The following PDE10A variants were observed in gnomAD, a reference collection of about 807,000 sequenced individuals.
PDE10A encodes phosphodiesterase 10A.
PDE10A carries 39 observed loss-of-function variants against 97.7 expected under a neutral mutation model. The ratio of observed to expected loss-of-function variants is 0.40; its 90% CI spans 0.31 to 0.52. The LOEUF (loss-of-function observed/expected upper bound fraction) is 0.52. Among genes scored for constraint, PDE10A ranks in the 20% least tolerant of loss-of-function variants. The probability of loss-of-function intolerance (pLI) is 0.56; values close to 1 mark genes in which losing one functional copy is unlikely to be tolerated. For missense variants in PDE10A, 731 were observed against 1,047.8 expected (o/e 0.70, Z 4.17); for synonymous variants, 371 against 376.8 (o/e 0.98, Z 0.18).
chr6:165,650,075 G>A (rs1246158434), intron 1 of PDE10A, among the ~76,000 whole-genome samples: 9 of 152,008 alleles, frequency 5.9e-5, no homozygotes, highest in Admixed American at 5.9e-4. Context: ...TCTTGTGTAG[G>A]AGAAGTGGGA....
At chr6:165,869,293 C>G (rs1402616279) in intron 1 of PDE10A, among the ~76,000 whole-genome samples, 2 of 151,620 alleles carry the variant, frequency 1.3e-5, no homozygotes, top group African/African-American at 4.8e-5. Flanking sequence ...TTTTAATACA[C>G]CAATAACAAC....
At chr6:165,573,550 T>C (rs748487960) in intron 1 of PDE10A, among the ~76,000 whole-genome samples, 4 of 152,178 alleles carry the variant, frequency 2.6e-5, no homozygotes, top group Non-Finnish European at 5.9e-5. Context: ...ATGAGACATA[T>C]TGAACTATGC....
Position 165,640,872 on chromosome 6 carries a change from G to A in PDE10A, c.865+21075C>T, listed in dbSNP as rs536531006. 2.0e-4 allele frequency among the ~76,000 whole-genome samples: 30 copies of A among 152,354 alleles called. No individual in the cohort carries two copies. In the South Asian group the frequency reaches 5.6e-3, roughly 28 times the overall value. Reference sequence around the variant, plus strand: ...GAAGTATGATAATTTTGCATTGGCTGTTACTTTGTCCTCAGCCAGCACCTA... The same window carrying A: ...GAAGTATGATAATTTTGCATTGGCTATTACTTTGTCCTCAGCCAGCACCTA... On this transcript the variant is annotated intron_variant, in intron 1 of 21. Coordinates refer to ENST00000539869, the MANE Select transcript of PDE10A (RefSeq NM_001385079.1).
chr6:165,582,131 T>A (rs374696618), intron 1 of PDE10A, among the ~76,000 whole-genome samples: 4 of 152,320 alleles, frequency 2.6e-5, no homozygotes, highest in African/African-American at 9.6e-5. Context: ...GACCCACCTA[T>A]TTCCCAGGGC....
intron 1 of PDE10A, among the ~76,000 whole-genome samples, chr6:165,646,884 T>C (rs1312155389): frequency 6.6e-6 from 1 of 152,176 alleles, no homozygotes; most frequent in African/African-American, 2.4e-5. Flanking sequence ...TCCAGATATA[T>C]CGTAACATAT....
intron 1 of PDE10A, among the ~76,000 whole-genome samples, chr6:165,943,230 AGAAAGAAGGAAGGAAGGAAG>A (rs1783617373): frequency 1.5e-4 from 6 of 40,118 alleles, no homozygotes; most frequent in South Asian, 8.2e-4. Flanking sequence ...AAAGAAAGAA[AGAAAGAAGGAAGGAAGGAAG>A]GAAGGAAGGA....
intron 18 of PDE10A, among the ~76,000 whole-genome samples, chr6:165,366,571 T>C (rs1007274555): frequency 2.0e-5 from 3 of 152,098 alleles, no homozygotes; most frequent in Non-Finnish European, 4.4e-5. Flanking sequence ...CAAGACCACG[T>C]TGGGTGACAT....
rs116697325 is a variant in PDE10A, at chr6:165,504,164, G to A, written c.995-21821C>T. Among the ~76,000 whole-genome samples, 882 of 152,222 alleles carry A rather than the reference G, an allele frequency of 5.8e-3. 15 individuals are homozygous for A. Among genetic ancestry groups the A allele is most frequent in the African/African-American group, 0.02 (835 of 41,528 alleles). ...CCAAGTAGAGATAGGTAAAACAGTT[G>A]TAGCCTAAGGAGGAAGAATTTTTTT... On this transcript the variant is annotated intron_variant, in intron 2 of 21. Coordinates refer to ENST00000539869, the MANE Select transcript of PDE10A (RefSeq NM_001385079.1).
intron 1 of PDE10A, among the ~76,000 whole-genome samples, chr6:165,713,666 A>T (rs1791957779): frequency 1.3e-5 from 2 of 152,160 alleles, no homozygotes. Context: ...CTTTCTAAAA[A>T]ATGTTCGATC....
At chr6:165,973,078 T>TTTC (rs1265799802) in intron 1 of PDE10A, among the ~76,000 whole-genome samples, 2 of 151,792 alleles carry the variant, frequency 1.3e-5, no homozygotes, top group Admixed American at 1.3e-4. Flanking sequence ...AGCTCACAAA[T>TTTC]AGGTTGCTCT....
At chr6:165,919,894 A>T (rs1454776732) in intron 1 of PDE10A, among the ~76,000 whole-genome samples, 1 of 152,196 alleles carries the variant, frequency 6.6e-6, no homozygotes, top group East Asian at 1.9e-4. Context: ...TTTCAGGTGC[A>T]TTCTGTTAAT....
At chr6:165,714,530 G>C (rs1791979030) in intron 1 of PDE10A, among the ~76,000 whole-genome samples, 1 of 152,256 alleles carries the variant, frequency 6.6e-6, no homozygotes, top group African/African-American at 2.4e-5. Flanking sequence ...GGTAGGTGAT[G>C]TGGCAACCCC....
chr6:165,460,178 C>T (rs1778235896), intron 3 of PDE10A, among the ~76,000 whole-genome samples: 1 of 152,196 alleles, frequency 6.6e-6, no homozygotes. Flanking sequence ...GCCTGGGGAA[C>T]CCCCACAAAA....
chr6:165,721,707 C>T (rs112301205), intron 1 of PDE10A, among the ~76,000 whole-genome samples: 1,603 of 152,324 alleles, frequency 0.011, 31 homozygotes, highest in African/African-American at 0.037. Context: ...CCTCTGCACC[C>T]AGTAATTGCT....
At chr6:165,468,272 T>C (rs567144175) in intron 3 of PDE10A, among the ~76,000 whole-genome samples, 17 of 150,852 alleles carry the variant, frequency 1.1e-4, no homozygotes, top group African/African-American at 4.1e-4. Context: ...TTTTTTTTAG[T>C]AGAGATGGGG....
At chr6:165,959,323 G>A (rs1007004820) in intron 1 of PDE10A, among the ~76,000 whole-genome samples, 3 of 152,164 alleles carry the variant, frequency 2.0e-5, no homozygotes, top group African/African-American at 4.8e-5. Context: ...AGGCAAGTGA[G>A]GGAGGGCAAA....
In PDE10A at chr6:165,734,414, G is replaced by A. The variant is rs796303802; in HGVS notation, c.-614-190846C>T. On this transcript the variant is annotated intron_variant, in intron 1 of 19. Coordinates refer to the PDE10A transcript ENST00000366882. ...AGGAGAGAACCTACAACAAAATGAA[G>A]GTTAGCACTCCCAGAATTTCAGAAG... Among the ~76,000 whole-genome samples the A allele has an allele frequency of 4.1e-4, 62 of 152,066 alleles. 1 individual carries two copies. The highest frequency in any genetic ancestry group is 1.4e-3 in the African/African-American group (60 of 41,462).
intron 12 of PDE10A, 143 bp from the exon 13 acceptor site, chr6:165,413,830 A>G: frequency 1.6e-6 from 1 of 610,190 alleles, no homozygotes; most frequent in Non-Finnish European, 2.9e-6. Flanking sequence ...TTTAGCTTCT[A>G]CATTCAGGGA....
At chr6:165,861,914 A>G (rs939450161) in intron 1 of PDE10A, among the ~76,000 whole-genome samples, 1 of 152,288 alleles carries the variant, frequency 6.6e-6, no homozygotes, top group East Asian at 1.9e-4. Flanking sequence ...TTTAAGAAAA[A>G]TCTTAGATCC....
Sources: gnomAD v4.1 joint callset for allele counts (sites outside exome capture counted in the v4.1 genomes callset) on GRCh38, gnomAD v4.1.1 for gene constraint, MANE v1.5 for transcripts, NCBI Gene and HGNC (gene_info 2026-07-23, HGNC 2026-07-21) for gene names.